Variants in CORO2B observed in about 807,000 individuals in gnomAD.
CORO2B encodes the protein coronin-2B.
A neutral mutation model predicts 58.8 loss-of-function variants in CORO2B; 26 were observed. That is an observed-to-expected ratio of 0.44 (90% CI 0.32 to 0.61). The LOEUF is 0.61. CORO2B is among the 20% of genes least tolerant of loss of function. The pLI is 0.04. For missense variants in CORO2B, 460 were observed against 645.1 expected, an observed-to-expected ratio of 0.71 and a Z score of 3.11; for synonymous variants, 242 against 253.8, an observed-to-expected ratio of 0.95 and a Z score of 0.44.
intron 1 of CORO2B, among the ~76,000 whole-genome samples, chr15:68,629,731 G>A (rs777344184): frequency 6.6e-6 from 1 of 152,174 alleles, no homozygotes; most frequent in Non-Finnish European, 1.5e-5. Flanking sequence ...GGACTTGGAC[G>A]AGGCTGAGGC....
In CORO2B at chr15:68,579,111, C is replaced by G. The variant is rs1033888315; in HGVS notation, c.-152C>G. On this transcript the variant is annotated 5_prime_UTR_variant, in exon 1 of 12. Coordinates refer to ENST00000261861, the MANE Select transcript of CORO2B (RefSeq NM_006091.5). The stretch of plus-strand genomic sequence containing the variant: ...ACGAGCGGTCCCTGCGCGCTGCCCG[C>G]CCGGAGCGCAGCCCCCAGGCTCGGC... The G allele has an allele frequency of 1.0e-6, 1 of 982,558 alleles. No homozygotes were observed. Among genetic ancestry groups the G allele is most frequent in the African/African-American group, 1.8e-5 (1 of 56,988 alleles). 60.9% of individuals were successfully genotyped at this position (982,558 alleles called of 1,614,324 possible).
chr15:68,712,348 A>G (rs1892939661), intron 5 of CORO2B, among the ~76,000 whole-genome samples: 1 of 152,200 alleles, frequency 6.6e-6, no homozygotes. Context: ...CAATATTACA[A>G]GACCAGAAAG....
At chr15:68,688,032 G>C (rs1368892879) in intron 2 of CORO2B, among the ~76,000 whole-genome samples, 1 of 152,192 alleles carries the variant, frequency 6.6e-6, no homozygotes, top group Admixed American at 6.5e-5. Flanking sequence ...TGGTAACAAG[G>C]GTGTAGAGAA....
At chr15:68,692,178 A>C (rs1326392957) in intron 2 of CORO2B, among the ~76,000 whole-genome samples, 3 of 152,166 alleles carry the variant, frequency 2.0e-5, no homozygotes, top group Non-Finnish European at 4.4e-5. Context: ...AAGTAGCTTA[A>C]CCTCTCTGGG....
At chr15:68,650,233 T>C (rs1204168371) in intron 2 of CORO2B, among the ~76,000 whole-genome samples, 1 of 151,948 alleles carries the variant, frequency 6.6e-6, no homozygotes, top group Non-Finnish European at 1.5e-5. Flanking sequence ...CGGGGCATGA[T>C]GGCAGGTGCC....
rs181985707 is a variant in CORO2B at position 68,676,701 on chromosome 15, T to C, written c.217-18439T>C. Among the ~76,000 whole-genome samples the C allele has an allele frequency of 1.3e-3, 192 of 152,296 alleles. 2 individuals are homozygous for C. Among genetic ancestry groups the C allele is most frequent in the Non-Finnish European group, 4.9e-4 (33 of 68,018 alleles). On this transcript the variant is annotated intron_variant, in intron 2 of 11. Transcript: ENST00000261861. The stretch of plus-strand genomic sequence containing the variant: ...CACCTGAGGAGAGTGTTTAAAATGC[T>C]TGTTCCCAGAGGCCTTGACCTGACT...
intron 1 of CORO2B, among the ~76,000 whole-genome samples, 180 bp downstream of exon 1, chr15:68,579,457 G>A (rs1484100955): frequency 6.6e-6 from 1 of 152,012 alleles, no homozygotes; most frequent in Non-Finnish European, 1.5e-5. Context: ...GACTGCGGAG[G>A]CCAGGGGGAG....
At position 68,616,199 on chromosome 15, in the gene CORO2B, A is replaced by G. The variant is rs115189101; in HGVS notation, c.16-28961A>G. 2.7e-3 allele frequency among the ~76,000 whole-genome samples: 405 copies of G among 152,276 alleles called. 2 individuals are homozygous for G. Among genetic ancestry groups the G allele is most frequent in the African/African-American group, 9.4e-3 (390 of 41,542 alleles). On this transcript the variant is annotated intron_variant, in intron 1 of 11. Transcript: ENST00000261861. ...GCATAATTGGGTTGCTGTCGGGGAT[A>G]TGGCTAATCAGAATTATCACTGGAG...
chr15:68,700,047 G>T (rs765945362), intron 3 of CORO2B, among the ~76,000 whole-genome samples: 2 of 152,184 alleles, frequency 1.3e-5, no homozygotes, highest in Non-Finnish European at 2.9e-5. Context: ...CTTCCAGGGG[G>T]TGGACAGGAG....
chr15:68,714,190 C>A, intron 6 of CORO2B, 149 bp downstream of exon 6: 1 of 616,860 alleles, frequency 1.6e-6, no homozygotes, highest in Non-Finnish European at 2.8e-6. Context: ...CCCCAGAGGC[C>A]GAGCTTGGGT....
chr15:68,610,501 C>T (rs557212100), intron 1 of CORO2B, among the ~76,000 whole-genome samples: 79 of 152,190 alleles, frequency 5.2e-4, no homozygotes, highest in Non-Finnish European at 7.2e-4. Flanking sequence ...CTTGCTCTTT[C>T]GCTCACATCC....
chr15:68,574,310 C>T (rs565502410), upstream of CORO2B, among the ~76,000 whole-genome samples: 4 of 152,270 alleles, frequency 2.6e-5, no homozygotes, highest in South Asian at 2.1e-4. Context: ...GTGGCATAAG[C>T]GAGGCAGGCA....
chr15:68,714,673 G>C lies in CORO2B; in HGVS notation c.870+10G>C. 6.2e-7 allele frequency: 1 copy of C among 1,606,124 alleles called. No homozygotes were observed. The highest frequency in any genetic ancestry group is 1.1e-5 in the South Asian group (1 of 90,930). ...CTACCTGGCTGGAAAGGTAGTAGGA[G>C]GTGGGGGAGGGCCCGGGGCAGCCTG... On this transcript the variant is annotated intron_variant, in intron 7 of 11. Coordinates refer to ENST00000261861, the MANE Select transcript of CORO2B (RefSeq NM_006091.5).
intron 1 of CORO2B, among the ~76,000 whole-genome samples, chr15:68,584,978 T>C (rs1899515307): frequency 7.1e-6 from 1 of 139,966 alleles, no homozygotes; most frequent in African/African-American, 2.6e-5. Flanking sequence ...GGGTGGGGAG[T>C]GGGGGAGAAG....
chr15:68,532,018 A>T, the CORO2B span, among the ~76,000 whole-genome samples: 5 of 152,114 alleles, frequency 3.3e-5, no homozygotes, highest in African/African-American at 1.2e-4. Flanking sequence ...AGTTTATGAT[A>T]AAAAGTCTGT....
intron 2 of CORO2B, among the ~76,000 whole-genome samples, chr15:68,663,141 A>G (rs1006941849): frequency 6.6e-6 from 1 of 152,204 alleles, no homozygotes; most frequent in Non-Finnish European, 1.5e-5. Flanking sequence ...AAGATCACCA[A>G]CTACCTACAT....
intron 1 of CORO2B, among the ~76,000 whole-genome samples, chr15:68,596,511 C>T (rs1899834088): frequency 6.6e-6 from 1 of 152,022 alleles, no homozygotes; most frequent in African/African-American, 2.4e-5. Flanking sequence ...AGTGAGCAGG[C>T]CTGGTCTGGT....
chr15:68,610,559 C>T (rs1214177680), intron 1 of CORO2B, among the ~76,000 whole-genome samples: 1 of 152,140 alleles, frequency 6.6e-6, no homozygotes, highest in Non-Finnish European at 1.5e-5. Flanking sequence ...ATCCTTCCAT[C>T]ACAAAGCCCC....
At chr15:68,522,118 C>T in the CORO2B span, among the ~76,000 whole-genome samples, 1 of 151,768 alleles carries the variant, frequency 6.6e-6, no homozygotes, top group Admixed American at 6.6e-5. Flanking sequence ...CCCATGGACT[C>T]CTTTAAAGAA....
Sources: allele counts gnomAD v4.1 joint callset (sites outside exome capture counted in the v4.1 genomes callset), GRCh38; gene constraint gnomAD v4.1.1; transcripts MANE v1.5; gene names NCBI Gene and HGNC (gene_info 2026-07-23, HGNC 2026-07-21).